CHD5: variants seen among roughly 807,000 people sequenced by gnomAD.
CHD5 encodes the protein chromodomain helicase DNA binding protein 5.
Under a neutral mutation model 230.3 loss-of-function variants are expected in CHD5, and 69 were observed. The observed-to-expected ratio is 0.30, with a 90% confidence interval of 0.25 to 0.37. The LOEUF (loss-of-function observed/expected upper bound fraction) is 0.37, where lower values mean the gene tolerates loss of function less well. CHD5 is among the 10% of genes least tolerant of loss of function. The pLI, the probability that CHD5 is intolerant of heterozygous loss-of-function variation, is 1.00. For synonymous variants in CHD5, 1,064 were observed against 1,065.9 expected, an observed-to-expected ratio of 1.00 and a Z score of 0.03; for missense variants, 1,827 against 2,622.8, an observed-to-expected ratio of 0.70 and a Z score of 6.63.
Position 6,102,025 on chromosome 1 carries a change from G to T in CHD5, c.*3449C>A. On this transcript the variant is annotated 3_prime_UTR_variant, in exon 42 of 42. Transcript: ENST00000262450. Reference sequence around the variant, plus strand: ...CCAGCCCAGGGCCCTCCCTTTGCCAGCCTGGGGCTGTGCCTGGGGAAAGGG... The same window carrying T: ...CCAGCCCAGGGCCCTCCCTTTGCCATCCTGGGGCTGTGCCTGGGGAAAGGG... The T allele has an allele frequency of 2.6e-6, 1 of 390,022 alleles. No individual in the cohort carries two copies. 24.2% of individuals were successfully genotyped at this position (390,022 alleles called of 1,614,324 possible).
At chr1:6,161,846 G>A (rs991536990) in intron 2 of CHD5, among the ~76,000 whole-genome samples, 18 of 152,206 alleles carry the variant, frequency 1.2e-4, no homozygotes, top group Admixed American at 2.0e-4. Context: ...GGGGCTGGCC[G>A]GAGGAAGGGG....
chr1:6,169,426 G>A (rs551294616), intron 1 of CHD5, among the ~76,000 whole-genome samples: 2 of 152,340 alleles, frequency 1.3e-5, no homozygotes, highest in East Asian at 1.9e-4. Flanking sequence ...TATGTTTGAC[G>A]ACACTGGCCA....
chr1:6,161,100 AGGAGGGAGGATGAAGGAAAGAG>A (rs1193632501), intron 2 of CHD5, among the ~76,000 whole-genome samples: 7 of 152,052 alleles, frequency 4.6e-5, no homozygotes, highest in African/African-American at 1.2e-4. Flanking sequence ...AGCAGTGGCC[AGGAGGGAGGATGAAGGAAAGAG>A]GGAGGGAGGG....
chr1:6,125,341 G>C lies in CHD5; in HGVS notation c.4261-108C>G. The C allele has an allele frequency of 1.6e-6, 2 of 1,262,400 alleles. No homozygotes were observed. Among genetic ancestry groups the C allele is most frequent in the African/African-American group, 1.5e-5 (1 of 67,544 alleles). The allele number at this position is 1,262,400 out of a possible 1,614,324, so 78.2% of individuals were successfully genotyped here. A position where few individuals can be genotyped will look rare whatever the true frequency, so the allele number is the denominator to read the frequency against. On this transcript the variant is annotated intron_variant, in intron 28 of 41. Transcript: ENST00000262450. This position sits in a 1 kb window ranked among gnomAD's most constrained non-coding sequence, Gnocchi z 6.7. ...TGGGAGGAGGAGAAGGTAGGAAGGG[G>C]GCACAGAGAAGGCAGGGGCCTCCAC... is the stretch of plus-strand genomic sequence containing the variant.
intron 25 of CHD5, among the ~76,000 whole-genome samples, chr1:6,127,426 C>T (rs549817853): frequency 6.0e-4 from 91 of 151,826 alleles, no homozygotes; most frequent in African/African-American, 2.2e-3. Flanking sequence ...GCGTTGGTTG[C>T]AGTGAGCTGA....
Position 6,152,430 on chromosome 1 carries a change from CTTG to C in CHD5, c.849_851del (p.Asn283del). Reference sequence around the variant, plus strand: ...CACTCACCGAGGAGCCTTTCTTCCTCTTGTTGCTGATCCCCCCGAAGCGGAACT... The same window carrying C: ...CACTCACCGAGGAGCCTTTCTTCCTCTTGCTGATCCCCCCGAAGCGGAACT... On this transcript the variant is annotated inframe_deletion, in exon 6 of 42. Coordinates refer to ENST00000262450, the MANE Select transcript of CHD5 (RefSeq NM_015557.3). The C allele has an allele frequency of 6.2e-7, 1 of 1,614,038 alleles. No individual in the cohort carries two copies. The highest frequency in any genetic ancestry group is 8.5e-7 in the Non-Finnish European group (1 of 1,179,934).
At chr1:6,157,568 T>C (rs1283863432) in intron 3 of CHD5, among the ~76,000 whole-genome samples, 1 of 152,198 alleles carries the variant, frequency 6.6e-6, no homozygotes. Context: ...GAGGCTGCCC[T>C]GAGCGTCTCC....
chr1:6,136,021 A>C (rs12025990), intron 17 of CHD5, among the ~76,000 whole-genome samples: 69,637 of 151,446 alleles, frequency 0.46, 16,609 homozygotes, highest in East Asian at 0.81. Flanking sequence ...TAATAAAAAA[A>C]AACAACAAAA....
rs769153589 is a variant in CHD5 at position 6,126,590 on chromosome 1, C to T, written c.4060G>A (p.Ala1354Thr). 2 of 1,613,290 alleles carry T rather than the reference C, an allele frequency of 1.2e-6. No homozygotes were observed. The highest frequency in any genetic ancestry group is 2.2e-5 in the East Asian group (1 of 44,868). ...RIRKQVNYNDASQEDQEWQDE... is the reference protein window; with the variant it reads ...RIRKQVNYNDTSQEDQEWQDE... ...CACGCACCCTGGTCCTCCTGGGAGG[C>T]ATCGTTGTAGTTGACCTGCTTGCGG... The change falls in exon 26 of 42, where the codon GCC becomes ACC. Residue 1354 changes from alanine to threonine, a missense_variant. Physicochemically the swap from Ala to Thr is moderately conservative, Grantham distance 58. Around this residue, in one of 14 missense-constraint regions of CHD5, gnomAD observed 137 missense variants for 272.7 expected, o/e 0.50. Coordinates refer to ENST00000262450, the MANE Select transcript of CHD5 (RefSeq NM_015557.3). The surrounding 1 kb of genome is among the most constrained non-coding windows in gnomAD (Gnocchi z 5.7).
Position 6,169,274 on chromosome 1 carries a change from C to G in CHD5, c.80-997G>C, listed in dbSNP as rs564244092. Among the ~76,000 whole-genome samples the G allele has an allele frequency of 1.1e-4, 17 of 152,372 alleles. No homozygotes were observed. In the South Asian group the frequency reaches 2.9e-3, roughly 26 times the overall value. Reference sequence around the variant, plus strand: ...AACACACTCACAACGGGAAGCCAAGCGCATTCCAGCTGGGCACTAGAAAGC... The same window carrying G: ...AACACACTCACAACGGGAAGCCAAGGGCATTCCAGCTGGGCACTAGAAAGC... On this transcript the variant is annotated intron_variant, in intron 1 of 41. Coordinates refer to ENST00000262450, the MANE Select transcript of CHD5 (RefSeq NM_015557.3).
Position 6,148,903 on chromosome 1 carries a change from G to A in CHD5, c.1334C>T (p.Pro445Leu). Residue 445 changes from proline (P) to leucine (L), a missense_variant, in exon 9 of 42, where the codon CCG (proline) becomes CTG (leucine). Transcript: ENST00000262450. The part of the protein sequence containing the change: ...PSSYHLHCLN[P>L]PLPEIPNGEW... Reference sequence around the variant, plus strand: ...ACCGTTTGGGATCTCGGGCAGCGGCGGGTTGAGGCAATGCAGGTGGTAGGA... The same window carrying A: ...ACCGTTTGGGATCTCGGGCAGCGGCAGGTTGAGGCAATGCAGGTGGTAGGA... The A allele has an allele frequency of 6.3e-7, 1 of 1,588,728 alleles. No individual in the cohort carries two copies. Among genetic ancestry groups the A allele is most frequent in the Non-Finnish European group, 8.6e-7 (1 of 1,166,568 alleles).
intron 2 of CHD5, among the ~76,000 whole-genome samples, chr1:6,160,949 C>A (rs960218855): frequency 6.6e-6 from 1 of 152,176 alleles, no homozygotes; most frequent in South Asian, 2.1e-4. Context: ...AGGGAGGGGC[C>A]GGGCAGCACT....
rs774557215 is a variant in CHD5 at position 6,136,774 on chromosome 1, C to T, written c.2528G>A (p.Cys843Tyr). The change falls in exon 16 of 42, where the codon TGC (cysteine) becomes TAC (tyrosine). Residue 843 changes from cysteine to tyrosine, a missense_variant. Physicochemically the swap from Cys to Tyr is radical, Grantham distance 194. Transcript: ENST00000262450. ...GCGGTGGGCCTCATCTACCACCAGGCAGGCCCACTCGATGGAGCCCAGGAT... is the reference window on the plus strand; with the variant it reads ...GCGGTGGGCCTCATCTACCACCAGGTAGGCCCACTCGATGGAGCCCAGGAT... ...QAILGSIEWA[C>Y]LVVDEAHRLK... is the part of the protein sequence containing the mutation. 6.2e-7 allele frequency: 1 copy of T among 1,613,582 alleles called. No individual in the cohort carries two copies. The highest frequency in any genetic ancestry group is 1.3e-5 in the African/African-American group (1 of 74,930).
chr1:6,110,262 T>C, intron 37 of CHD5, 132 bp downstream of exon 37: 1 of 1,062,020 alleles, frequency 9.4e-7, no homozygotes, highest in South Asian at 1.5e-5. Flanking sequence ...ATGGACATAC[T>C]GCTGCTTCGT....
chr1:6,112,492 A>T (rs1666307984), intron 34 of CHD5, among the ~76,000 whole-genome samples: 1 of 152,162 alleles, frequency 6.6e-6, no homozygotes, highest in South Asian at 2.1e-4. Context: ...CTCCTCCCCG[A>T]CCACATCAGG....
In CHD5 at chr1:6,126,799, G is replaced by C; in HGVS notation, c.3904-53C>G. 1 of 1,568,616 alleles carries C rather than the reference G, an allele frequency of 6.4e-7. No homozygotes were observed. The highest frequency in any genetic ancestry group is 8.7e-7 in the Non-Finnish European group (1 of 1,149,518). The stretch of plus-strand genomic sequence containing the variant: ...GGGTGGAGCCATCTCTGCCCTCCCG[G>C]AAGCCTCAGGCTGCCTCCACCTGAC... On this transcript the variant is annotated intron_variant, in intron 25 of 41. Coordinates refer to ENST00000262450, the MANE Select transcript of CHD5 (RefSeq NM_015557.3). The surrounding 1 kb of genome is among the most constrained non-coding windows in gnomAD (Gnocchi z 5.7).
In CHD5 at chr1:6,142,642, C is replaced by T. The variant is rs776571164; in HGVS notation, c.2044-37G>A. ...GCAGCGGTTCAGACACGCCCCAGAT[C>T]CTGGGCCACCAGAGTCCACACTACA... On this transcript the variant is annotated intron_variant, in intron 13 of 41. Coordinates refer to ENST00000262450, the MANE Select transcript of CHD5 (RefSeq NM_015557.3). The surrounding 1 kb of genome is among the most constrained non-coding windows in gnomAD (Gnocchi z 5.2). 1.9e-6 allele frequency: 3 copies of T among 1,584,006 alleles called. No individual in the cohort carries two copies. Among genetic ancestry groups the T allele is most frequent in the African/African-American group, 2.7e-5 (2 of 74,488 alleles).
Position 6,174,255 on chromosome 1 carries a change from G to A in CHD5, c.79+5690C>T, listed in dbSNP as rs568203864. On this transcript the variant is annotated intron_variant, in intron 1 of 41. Coordinates refer to ENST00000262450, the MANE Select transcript of CHD5 (RefSeq NM_015557.3). The stretch of plus-strand genomic sequence containing the variant: ...CAGAGGGAGAGAGAGAGACAGGGAA[G>A]GAGAGTGAAATAAGGACAGAGCCAC... Among the ~76,000 whole-genome samples, 6 of 152,140 alleles carry A rather than the reference G, an allele frequency of 3.9e-5. 1 individual carries two copies. The South Asian group carries it at 1.2e-3, about 32-fold the overall frequency.
chr1:6,107,049 G>A (rs1269578477), intron 38 of CHD5, among the ~76,000 whole-genome samples: 18 of 143,470 alleles, frequency 1.3e-4, no homozygotes, highest in African/African-American at 4.2e-4. Context: ...GAGGGATGGA[G>A]GAATGATGGA....
Sources: allele counts gnomAD v4.1 joint callset (sites outside exome capture counted in the v4.1 genomes callset), GRCh38; gene constraint gnomAD v4.1.1; regional missense constraint gnomAD v4.1.1; non-coding constraint Gnocchi (gnomAD v3.1); transcripts MANE v1.5; gene names NCBI Gene and HGNC (gene_info 2026-07-23, HGNC 2026-07-21).